The following SNTG1 variants were observed in gnomAD, a reference collection of about 807,000 sequenced individuals.
SNTG1 encodes the protein gamma-1-syntrophin.
A neutral mutation model predicts 74.7 loss-of-function variants in SNTG1; 39 were observed. The observed-to-expected ratio is 0.52, with a 90% CI of 0.40 to 0.68. The LOEUF (loss-of-function observed/expected upper bound fraction) is 0.68. Among genes scored for constraint, SNTG1 ranks in the 30% least tolerant of loss-of-function variants. SNTG1 has a pLI of 0.00. For missense variants in SNTG1, 685 were observed against 609.5 expected, an observed-to-expected ratio of 1.12 and a Z score of -1.30; for synonymous variants, 254 against 217.1, an observed-to-expected ratio of 1.17 and a Z score of -1.49.
chr8:50,029,438 T>G (rs552171625), intron 1 of SNTG1, among the ~76,000 whole-genome samples: 60 of 152,250 alleles, frequency 3.9e-4, no homozygotes, highest in African/African-American at 1.4e-3. Context: ...TACTAGATCT[T>G]ACTCATTCTA....
intron 12 of SNTG1, among the ~76,000 whole-genome samples, chr8:50,576,755 A>G (rs2094578974): frequency 1.3e-5 from 2 of 152,014 alleles, no homozygotes; most frequent in African/African-American, 4.8e-5. Flanking sequence ...TTTTCTTTTC[A>G]GATTGTTCAT....
In SNTG1 at chr8:50,795,515, T is replaced by C. The variant is rs1585816630; in HGVS notation, c.*2686T>C. Reference sequence around the variant, plus strand: ...ACATTTTAACAGCAAAATGCTAATGTGTTAACCCCTCCAGTGCCTTGGTAT... The same window carrying C: ...ACATTTTAACAGCAAAATGCTAATGCGTTAACCCCTCCAGTGCCTTGGTAT... On this transcript the variant is annotated 3_prime_UTR_variant, in exon 19 of 19. Transcript: ENST00000642720. The C allele has an allele frequency of 6.6e-6, 1 of 151,980 alleles. No individual in the cohort carries two copies. The highest frequency in any genetic ancestry group is 2.1e-4 in the South Asian group (1 of 4,836). 9.4% of individuals were successfully genotyped at this position (151,980 alleles called of 1,614,324 possible).
Position 50,119,578 on chromosome 8 carries a change from T to C in SNTG1, c.-102-52983T>C, listed in dbSNP as rs1474851455. Among the ~76,000 whole-genome samples the C allele has an allele frequency of 1.4e-5, 2 of 142,210 alleles. 1 individual carries two copies. The highest frequency in any genetic ancestry group is 5.1e-5 in the African/African-American group (2 of 39,330). 93.3% of individuals were successfully genotyped at this position (142,210 alleles called of 152,430 possible). On this transcript the variant is annotated intron_variant, in intron 1 of 18. Coordinates refer to ENST00000642720, the MANE Select transcript of SNTG1 (RefSeq NM_018967.5). ...CCTGGTTCAACTAATTACAACTAAT[T>C]AATTAATTTATATAAATTGTGATAA...
intron 2 of SNTG1, among the ~76,000 whole-genome samples, chr8:50,317,784 CA>C (rs2090366658): frequency 6.6e-6 from 1 of 152,180 alleles, no homozygotes; most frequent in Non-Finnish European, 1.5e-5. Flanking sequence ...ATTTACCTTT[CA>C]AAATGCAGAT....
chr8:49,952,732 T>C (rs1160434063), intron 1 of SNTG1, among the ~76,000 whole-genome samples: 3 of 152,236 alleles, frequency 2.0e-5, no homozygotes, highest in Non-Finnish European at 2.9e-5. Context: ...AATGTAGATG[T>C]ACAGATAGAT....
intron 1 of SNTG1, among the ~76,000 whole-genome samples, chr8:50,089,878 A>G (rs1231683518): frequency 6.6e-6 from 1 of 152,166 alleles, no homozygotes; most frequent in African/African-American, 2.4e-5. Context: ...AACTAGAAAT[A>G]CCATTTGACC....
At chr8:49,917,663 T>C (rs970720573) in intron 1 of SNTG1, among the ~76,000 whole-genome samples, 1 of 152,212 alleles carries the variant, frequency 6.6e-6, no homozygotes, top group Non-Finnish European at 1.5e-5. Flanking sequence ...ATGCTTTATA[T>C]TCTCTTCCAA....
chr8:50,629,893 C>G (rs1377155341), intron 13 of SNTG1, among the ~76,000 whole-genome samples: 1 of 152,130 alleles, frequency 6.6e-6, no homozygotes, highest in Non-Finnish European at 1.5e-5. Flanking sequence ...GCTACTGTGT[C>G]AAAAGAAATG....
At chr8:50,494,847 T>C (rs1284513096) in intron 8 of SNTG1, among the ~76,000 whole-genome samples, 4 of 152,102 alleles carry the variant, frequency 2.6e-5, no homozygotes, top group Admixed American at 6.6e-5. Flanking sequence ...TTACCTTAAA[T>C]AAGTACAATT....
intron 1 of SNTG1, among the ~76,000 whole-genome samples, chr8:50,064,135 T>G (rs1820706357): frequency 1.3e-5 from 2 of 152,210 alleles, no homozygotes; most frequent in South Asian, 2.1e-4. Context: ...ACCTACACAG[T>G]GCTTGGCACC....
chr8:49,926,227 A>G (rs1807013993), intron 1 of SNTG1, among the ~76,000 whole-genome samples: 1 of 152,118 alleles, frequency 6.6e-6, no homozygotes, highest in Admixed American at 6.6e-5. Flanking sequence ...GTAATGTCAT[A>G]TTTACTTGAT....
At chr8:49,967,079 C>A (rs1811209229) in intron 1 of SNTG1, among the ~76,000 whole-genome samples, 2 of 152,130 alleles carry the variant, frequency 1.3e-5, no homozygotes, top group African/African-American at 4.8e-5. Context: ...CTTATACTCA[C>A]TATTGGCCAG....
intron 18 of SNTG1, among the ~76,000 whole-genome samples, chr8:50,778,878 G>GT (rs2095649476): frequency 6.6e-6 from 1 of 152,034 alleles, no homozygotes; most frequent in African/African-American, 2.4e-5. Context: ...ATTAATTTTT[G>GT]TATAAGGTGT....
At chr8:50,520,530 A>T (rs185378118) in intron 9 of SNTG1, among the ~76,000 whole-genome samples, 40 of 149,874 alleles carry the variant, frequency 2.7e-4, no homozygotes, top group African/African-American at 9.7e-4. Flanking sequence ...GAAAAAAGGC[A>T]AAGGCTGATA....
chr8:50,700,659 T>G (rs944724319), intron 15 of SNTG1, among the ~76,000 whole-genome samples: 11 of 151,648 alleles, frequency 7.3e-5, no homozygotes, highest in Non-Finnish European at 1.2e-4. Context: ...GGTACTACAG[T>G]CTCTCCCTAC....
chr8:50,601,053 C>T (rs1167067284), intron 13 of SNTG1, among the ~76,000 whole-genome samples: 2 of 146,088 alleles, frequency 1.4e-5, no homozygotes, highest in African/African-American at 5.0e-5. Flanking sequence ...CACCTGTAGT[C>T]CCAGCTGCTT....
At chr8:50,091,604 A>T (rs944789939) in intron 1 of SNTG1, among the ~76,000 whole-genome samples, 11 of 152,064 alleles carry the variant, frequency 7.2e-5, no homozygotes, top group African/African-American at 2.7e-4. Context: ...TGTTGTCTAA[A>T]ATGGTAAGAT....
chr8:50,699,749 T>C (rs1481167752), intron 15 of SNTG1, among the ~76,000 whole-genome samples: 3 of 152,154 alleles, frequency 2.0e-5, no homozygotes, highest in Non-Finnish European at 4.4e-5. Flanking sequence ...AGTCAAACTA[T>C]GACAAAAGAG....
intron 2 of SNTG1, among the ~76,000 whole-genome samples, chr8:50,227,686 GAC>G (rs1412840585): frequency 1.3e-5 from 2 of 151,590 alleles, no homozygotes; most frequent in African/African-American, 4.8e-5. Context: ...AGAGCTATAA[GAC>G]ACAGATTTTC....
Sources: allele counts gnomAD v4.1 joint callset (sites outside exome capture counted in the v4.1 genomes callset), GRCh38; gene constraint gnomAD v4.1.1; transcripts MANE v1.5; gene names NCBI Gene and HGNC (gene_info 2026-07-23, HGNC 2026-07-21).